SOX5: variants seen among roughly 807,000 people sequenced by gnomAD.
The protein encoded by SOX5 is SRY-box transcription factor 5, also known as transcription factor SOX-5.
A neutral mutation model predicts 92.0 loss-of-function variants in SOX5; 9 were observed. The ratio of observed to expected loss-of-function variants is 0.10; its 90% CI spans 0.06 to 0.17. The LOEUF is 0.17. Ranked by LOEUF, SOX5 falls within the 10% of genes least tolerant of loss-of-function variation. The probability of loss-of-function intolerance (pLI) is 1.00; values close to 1 mark genes in which losing one functional copy is unlikely to be tolerated. For synonymous variants in SOX5, 344 were observed against 336.3 expected (o/e 1.02, Z -0.25); for missense variants, 642 against 944.5 (o/e 0.68, Z 4.20).
chr12:23,696,514 G>A (rs190088677), intron 6 of SOX5, among the ~76,000 whole-genome samples: 20 of 152,080 alleles, frequency 1.3e-4, no homozygotes, highest in Admixed American at 8.5e-4. Context: ...TTTATTTCCT[G>A]AATTGTCTAG....
intron 4 of SOX5, among the ~76,000 whole-genome samples, chr12:24,035,501 C>CA (rs1363302614): frequency 1.3e-5 from 2 of 152,002 alleles, no homozygotes; most frequent in African/African-American, 4.8e-5. Flanking sequence ...CAAAGAAATA[C>CA]AGCAATCAAG....
At chr12:23,690,649 T>A (rs2088601640) in intron 6 of SOX5, among the ~76,000 whole-genome samples, 1 of 152,120 alleles carries the variant, frequency 6.6e-6, no homozygotes, top group Non-Finnish European at 1.5e-5. Flanking sequence ...CTCAGCAACA[T>A]CCTATCCAGA....
At chr12:23,674,616 G>A (rs2085364478) in intron 6 of SOX5, among the ~76,000 whole-genome samples, 1 of 151,814 alleles carries the variant, frequency 6.6e-6, no homozygotes. Flanking sequence ...GGGATTACAG[G>A]CATGAGCCAC....
In SOX5 at chr12:23,755,648, G is replaced by T. The variant is rs200177288; in HGVS notation, c.558C>A (p.Gly186=). ...ATCACACCATATTACCTTTTATTTC[G>T]CCAAAGTTCCCCGATCCCATTGCAA... ...KLLAMGSGNF[G]EIKGTPESLA... The change falls in exon 4 of 15, where the codon GGC becomes GGA. Residue 186 remains glycine (G), a synonymous_variant. Transcript: ENST00000451604. The T allele has an allele frequency of 6.3e-7, 1 of 1,588,160 alleles. No individual in the cohort carries two copies. The highest frequency in any genetic ancestry group is 2.3e-5 in the East Asian group (1 of 43,192).
chr12:23,983,867 G>A (rs772060150), intron 4 of SOX5, among the ~76,000 whole-genome samples: 9 of 151,798 alleles, frequency 5.9e-5, no homozygotes, highest in Non-Finnish European at 1.0e-4. Flanking sequence ...TATATTTTAA[G>A]GTAAAACAAA....
chr12:23,992,262 C>T (rs894321953), intron 4 of SOX5, among the ~76,000 whole-genome samples: 8 of 152,078 alleles, frequency 5.3e-5, no homozygotes, highest in Admixed American at 5.2e-4. Flanking sequence ...TTTTTAAAAG[C>T]TAGATTTTTC....
intron 1 of SOX5, among the ~76,000 whole-genome samples, chr12:24,435,203 G>C (rs566254314): frequency 6.6e-6 from 1 of 152,198 alleles, no homozygotes; most frequent in Non-Finnish European, 1.5e-5. Flanking sequence ...GGTTGGTGTG[G>C]CCTAGAATGG....
chr12:23,759,070 C>T (rs2141293473), intron 3 of SOX5, among the ~76,000 whole-genome samples: 1 of 150,264 alleles, frequency 6.7e-6, no homozygotes, highest in Admixed American at 6.6e-5. Flanking sequence ...CACACACTGT[C>T]CCTCATTTAA....
At chr12:23,706,110 T>G (rs1287282396) in intron 6 of SOX5, among the ~76,000 whole-genome samples, 1 of 152,024 alleles carries the variant, frequency 6.6e-6, no homozygotes, top group Non-Finnish European at 1.5e-5. Context: ...TAACGGACCA[T>G]TCCCAAGGGA....
At chr12:24,179,041 G>C (rs1009895913) in intron 4 of SOX5, among the ~76,000 whole-genome samples, 5 of 152,162 alleles carry the variant, frequency 3.3e-5, no homozygotes, top group Non-Finnish European at 7.3e-5. Flanking sequence ...CAGAGAAATG[G>C]TTGGTCACAT....
At chr12:24,370,753 T>C (rs914804312) in intron 1 of SOX5, among the ~76,000 whole-genome samples, 2 of 152,108 alleles carry the variant, frequency 1.3e-5, no homozygotes, top group African/African-American at 2.4e-5. Context: ...GATCGTGCCA[T>C]TGTACTCCAG....
chr12:24,181,323 C>T (rs1955476011), intron 4 of SOX5, among the ~76,000 whole-genome samples: 3 of 152,212 alleles, frequency 2.0e-5, no homozygotes, highest in South Asian at 4.1e-4. Flanking sequence ...GTTTGATCAT[C>T]TTGCCCTGTT....
intron 3 of SOX5, among the ~76,000 whole-genome samples, chr12:24,260,982 C>T (rs1023621877): frequency 6.6e-6 from 1 of 152,008 alleles, no homozygotes; most frequent in Non-Finnish European, 1.5e-5. Flanking sequence ...GCCTCAGATT[C>T]CCAAATTAAA....
chr12:24,296,322 T>C (rs1947241984), intron 2 of SOX5, among the ~76,000 whole-genome samples: 1 of 152,218 alleles, frequency 6.6e-6, no homozygotes, highest in African/African-American at 2.4e-5. Flanking sequence ...TTCCACATTA[T>C]TGTGAGATTT....
intron 3 of SOX5, among the ~76,000 whole-genome samples, chr12:23,783,468 T>G (rs1164132161): frequency 1.3e-5 from 2 of 152,208 alleles, no homozygotes; most frequent in African/African-American, 4.8e-5. Flanking sequence ...TTTAGCGTAT[T>G]ACAATTTAGA....
intron 2 of SOX5, among the ~76,000 whole-genome samples, chr12:24,335,112 A>G (rs963544818): frequency 2.0e-5 from 3 of 152,094 alleles, no homozygotes; most frequent in African/African-American, 7.2e-5. Flanking sequence ...TTTGTCTTCA[A>G]TTCACCCATT....
intron 4 of SOX5, among the ~76,000 whole-genome samples, chr12:23,998,311 G>C (rs1951231708): frequency 6.6e-6 from 1 of 152,020 alleles, no homozygotes; most frequent in Non-Finnish European, 1.5e-5. Context: ...AATTTTACTG[G>C]AGGGGCTCAA....
chr12:23,704,767 A>G lies in SOX5; in HGVS notation c.810+29917T>C, dbSNP rs188194092. On this transcript the variant is annotated intron_variant, in intron 6 of 14. Transcript: ENST00000451604. ...ACATGCAGACAGATACCTACTGTAT[A>G]CATTTTATTTCTTGTCAAAGAAAGT... Among the ~76,000 whole-genome samples, 229 of 147,184 alleles carry G rather than the reference A, an allele frequency of 1.6e-3. 2 individuals are homozygous for G. Among genetic ancestry groups the G allele is most frequent in the Middle Eastern group, 0.01 (3 of 286 alleles).
chr12:24,457,927 C>T (rs1451836612), intron 1 of SOX5, among the ~76,000 whole-genome samples: 1 of 152,118 alleles, frequency 6.6e-6, no homozygotes, highest in Non-Finnish European at 1.5e-5. Context: ...GTTCTCTCAA[C>T]TCAGATTACT....
Sources: allele counts gnomAD v4.1 joint callset (sites outside exome capture counted in the v4.1 genomes callset), GRCh38; gene constraint gnomAD v4.1.1; transcripts MANE v1.5; gene names NCBI Gene and HGNC (gene_info 2026-07-23, HGNC 2026-07-21).